CALN1: variants seen among roughly 807,000 people sequenced by gnomAD.
CALN1 encodes the protein calneuron 1, also known as calcium-binding protein 8.
In CALN1, 17 loss-of-function variants were observed where a neutral mutation model predicts 30.6. The ratio of observed to expected loss-of-function variants is 0.56; its 90% CI spans 0.38 to 0.83. CALN1 has a LOEUF of 0.83. Ranked by LOEUF, CALN1 falls within the 40% of genes least tolerant of loss-of-function variation. CALN1 has a pLI of 0.00. For synonymous variants in CALN1, 156 were observed against 131.4 expected, an observed-to-expected ratio of 1.19 and a Z score of -1.28; for missense variants, 291 against 354.9, an observed-to-expected ratio of 0.82 and a Z score of 1.45.
intron 5 of CALN1, among the ~76,000 whole-genome samples, chr7:71,853,153 A>T (rs1048555525): frequency 6.6e-6 from 1 of 151,658 alleles, no homozygotes; most frequent in African/African-American, 2.4e-5. Context: ...CATAGCTCAC[A>T]GCAGCTTCTA....
chr7:72,031,102 G>C (rs912430971), intron 4 of CALN1, among the ~76,000 whole-genome samples: 1 of 152,198 alleles, frequency 6.6e-6, no homozygotes, highest in African/African-American at 2.4e-5. Context: ...CTTACGCAGG[G>C]AGTAGAGCTG....
chr7:71,970,821 C>A (rs1797757335), intron 5 of CALN1, among the ~76,000 whole-genome samples: 1 of 152,198 alleles, frequency 6.6e-6, no homozygotes, highest in Admixed American at 6.5e-5. Context: ...GGCCCAGTTA[C>A]TGCCAAATGG....
chr7:72,321,743 T>C (rs1334360679), intron 2 of CALN1, among the ~76,000 whole-genome samples: 1 of 152,234 alleles, frequency 6.6e-6, no homozygotes, highest in Non-Finnish European at 1.5e-5. Context: ...AACGTGACTA[T>C]ACCCGCAGTC....
intron 3 of CALN1, among the ~76,000 whole-genome samples, chr7:72,196,627 G>A (rs750714359): frequency 3.2e-4 from 48 of 152,200 alleles, no homozygotes; most frequent in Admixed American, 9.8e-4. Flanking sequence ...GAAAAAGAAA[G>A]ATCTAGAGAA....
chr7:71,998,479 C>A (rs145910564), intron 5 of CALN1, among the ~76,000 whole-genome samples: 5 of 151,948 alleles, frequency 3.3e-5, no homozygotes, highest in African/African-American at 1.2e-4. Context: ...AAAGGAAATG[C>A]GGTTTTCATG....
At chr7:72,364,528 T>C (rs1165376239) in intron 2 of CALN1, among the ~76,000 whole-genome samples, 1 of 152,196 alleles carries the variant, frequency 6.6e-6, no homozygotes, top group Non-Finnish European at 1.5e-5. Context: ...TCTCTCTCTT[T>C]TAACTAATAT....
At chr7:71,964,228 G>A (rs1797414350) in intron 5 of CALN1, among the ~76,000 whole-genome samples, 1 of 152,172 alleles carries the variant, frequency 6.6e-6, no homozygotes, top group African/African-American at 2.4e-5. Flanking sequence ...TTGCTGCCCT[G>A]CTGCTCAAAC....
the CALN1 span, among the ~76,000 whole-genome samples, chr7:72,460,975 C>T: frequency 6.6e-6 from 1 of 152,156 alleles, no homozygotes; most frequent in Admixed American, 6.5e-5. Flanking sequence ...ATAGCAGAAA[C>T]AGCATGTTCC....
At chr7:72,336,876 C>T (rs1802093709) in intron 2 of CALN1, 1 of 984,982 alleles carries the variant, frequency 1.0e-6, no homozygotes. Flanking sequence ...GTGCCGGCAT[C>T]CTCGCTGCCG....
chr7:71,901,483 A>T (rs1457662698), intron 5 of CALN1, among the ~76,000 whole-genome samples: 1 of 152,162 alleles, frequency 6.6e-6, no homozygotes, highest in Non-Finnish European at 1.5e-5. Flanking sequence ...TAAAAGGAAC[A>T]AAGCTGGAGG....
At chr7:72,070,431 C>A (rs766568614) in intron 4 of CALN1, among the ~76,000 whole-genome samples, 1 of 152,174 alleles carries the variant, frequency 6.6e-6, no homozygotes, top group African/African-American at 2.4e-5. Context: ...CTGTTGTTTA[C>A]GGAAACCTCA....
intron 3 of CALN1, among the ~76,000 whole-genome samples, chr7:72,181,514 T>C (rs1218681040): frequency 6.7e-6 from 1 of 149,208 alleles, no homozygotes; most frequent in Non-Finnish European, 1.5e-5. Flanking sequence ...AGTCTTGCTC[T>C]GTCACCCAGG....
chr7:71,970,689 C>T (rs73366223), intron 5 of CALN1, among the ~76,000 whole-genome samples: 5 of 152,114 alleles, frequency 3.3e-5, no homozygotes, highest in African/African-American at 4.8e-5. Context: ...ACTTCGTCCC[C>T]GCGCTTTAAC....
chr7:72,111,465 A>AT (rs534061562), intron 3 of CALN1, among the ~76,000 whole-genome samples: 43 of 150,296 alleles, frequency 2.9e-4, no homozygotes, highest in Middle Eastern at 3.4e-3. Context: ...CTGGTAACTT[A>AT]TTTTTTTTTT....
At chr7:72,025,967 G>A in intron 4 of CALN1, among the ~76,000 whole-genome samples, 1 of 152,138 alleles carries the variant, frequency 6.6e-6, no homozygotes, top group East Asian at 1.9e-4. Flanking sequence ...GCAAGTCAAT[G>A]GGAAAGGGAG....
At chr7:72,202,367 G>A (rs1352478796) in intron 3 of CALN1, among the ~76,000 whole-genome samples, 1 of 151,960 alleles carries the variant, frequency 6.6e-6, no homozygotes, top group Non-Finnish European at 1.5e-5. Flanking sequence ...TCAGAATAGA[G>A]TAGAACAAAA....
rs773770229 is a variant in CALN1, at chr7:72,228,451, T to TA, written c.244+50234dup. Reference sequence around the variant, plus strand: ...TCACAGTGATGTGTGCACAGCTCCGTAAGATTATGAAAAATCATTGAACTG... The same window carrying TA: ...TCACAGTGATGTGTGCACAGCTCCGTAAAGATTATGAAAAATCATTGAACTG... On this transcript the variant is annotated intron_variant, in intron 3 of 6. Coordinates refer to ENST00000395275, the MANE Select transcript of CALN1 (RefSeq NM_031468.4). Among the ~76,000 whole-genome samples, 46 of 151,922 alleles carry TA rather than the reference T, an allele frequency of 3.0e-4. 1 individual carries two copies. The highest frequency in any genetic ancestry group is 5.0e-4 in the Non-Finnish European group (34 of 67,968).
At chr7:72,352,340 T>C (rs200909061) in intron 2 of CALN1, among the ~76,000 whole-genome samples, 1 of 142,476 alleles carries the variant, frequency 7.0e-6, no homozygotes, top group African/African-American at 2.7e-5. Flanking sequence ...AGTGAGACAC[T>C]ATTGTGCCAT....
intron 2 of CALN1, among the ~76,000 whole-genome samples, chr7:72,375,062 C>A (rs1203866360): frequency 6.6e-6 from 1 of 152,068 alleles, no homozygotes; most frequent in African/African-American, 2.4e-5. Flanking sequence ...AAAAGATTGT[C>A]TTTATTTACA....
Sources: gnomAD v4.1 joint callset for allele counts (sites outside exome capture counted in the v4.1 genomes callset) on GRCh38, gnomAD v4.1.1 for gene constraint, MANE v1.5 for transcripts, NCBI Gene and HGNC (gene_info 2026-07-23, HGNC 2026-07-21) for gene names.